The following MAGI2 variants were observed in gnomAD, a reference collection of about 807,000 sequenced individuals.
The protein encoded by MAGI2 is membrane-associated guanylate kinase, WW and PDZ domain-containing protein 2.
MAGI2 carries 35 observed loss-of-function variants against 133.3 expected under a neutral mutation model. That is an observed-to-expected ratio of 0.26 (90% CI 0.20 to 0.35). The LOEUF (loss-of-function observed/expected upper bound fraction) is 0.35, where lower values mean the gene tolerates loss of function less well. Ranked by LOEUF, MAGI2 falls within the 10% of genes least tolerant of loss-of-function variation. The pLI, the probability that MAGI2 is intolerant of heterozygous loss-of-function variation, is 1.00. For missense variants in MAGI2, 1,636 were observed against 1,863.4 expected (o/e 0.88, Z 2.25); for synonymous variants, 729 against 710.6 (o/e 1.03, Z -0.41).
At chr7:78,276,560 G>T (rs547843500) in intron 9 of MAGI2, among the ~76,000 whole-genome samples, 1 of 151,778 alleles carries the variant, frequency 6.6e-6, no homozygotes, top group South Asian at 2.1e-4. Flanking sequence ...TTTTCTTATA[G>T]ACTCTTTACT....
intron 2 of MAGI2, among the ~76,000 whole-genome samples, chr7:78,774,234 A>C (rs755096740): frequency 7.9e-5 from 12 of 152,186 alleles, no homozygotes; most frequent in Non-Finnish European, 1.6e-4. Flanking sequence ...AATGCATCCG[A>C]GGTTGGTAAT....
chr7:78,681,394 C>T (rs1311161082), intron 2 of MAGI2, among the ~76,000 whole-genome samples: 2 of 152,162 alleles, frequency 1.3e-5, no homozygotes, highest in Admixed American at 6.6e-5. Flanking sequence ...ATAACAACAA[C>T]TGTCACTTAC....
At chr7:78,153,150 T>C (rs1166457229) in intron 16 of MAGI2, among the ~76,000 whole-genome samples, 1 of 152,218 alleles carries the variant, frequency 6.6e-6, no homozygotes, top group Non-Finnish European at 1.5e-5. Flanking sequence ...GTTGCATCTA[T>C]TACCTGTGTT....
At chr7:78,595,012 CTT>C (rs557704886) in intron 3 of MAGI2, among the ~76,000 whole-genome samples, 23 of 152,236 alleles carry the variant, frequency 1.5e-4, no homozygotes, top group African/African-American at 3.9e-4. Context: ...GTCTGGAAGA[CTT>C]TGTAATTTTG....
chr7:79,308,431 C>A (rs1002532809), intron 1 of MAGI2, among the ~76,000 whole-genome samples: 1 of 152,122 alleles, frequency 6.6e-6, no homozygotes, highest in African/African-American at 2.4e-5. Context: ...GAAGCATGAG[C>A]GAGTTCAATA....
chr7:78,360,944 C>G (rs1773616848), intron 7 of MAGI2, among the ~76,000 whole-genome samples: 1 of 152,148 alleles, frequency 6.6e-6, no homozygotes, highest in African/African-American at 2.4e-5. Context: ...GCCCTCTCTT[C>G]CTGGGACGTC....
intron 1 of MAGI2, among the ~76,000 whole-genome samples, chr7:79,334,721 C>T (rs1050499882): frequency 6.6e-6 from 1 of 152,056 alleles, no homozygotes; most frequent in African/African-American, 2.4e-5. Context: ...AATTTAAATA[C>T]AGGAAATATA....
At chr7:79,016,876 C>G (rs1181430802) in intron 1 of MAGI2, among the ~76,000 whole-genome samples, 1 of 152,242 alleles carries the variant, frequency 6.6e-6, no homozygotes, top group East Asian at 1.9e-4. Context: ...CTGCCATCTA[C>G]GTTAATGCAT....
At chr7:79,363,069 C>T (rs1459129773) in intron 1 of MAGI2, among the ~76,000 whole-genome samples, 1 of 151,596 alleles carries the variant, frequency 6.6e-6, no homozygotes, top group Non-Finnish European at 1.5e-5. Flanking sequence ...TACATAAAAA[C>T]TCCAAGAACT....
At chr7:79,127,546 G>A (rs1820535223) in intron 1 of MAGI2, among the ~76,000 whole-genome samples, 1 of 152,080 alleles carries the variant, frequency 6.6e-6, no homozygotes, top group South Asian at 2.1e-4. Flanking sequence ...TTCTCTGATG[G>A]CCAGTGATGA....
intron 3 of MAGI2, among the ~76,000 whole-genome samples, chr7:78,607,884 G>C (rs554520740): frequency 1.3e-5 from 2 of 152,224 alleles, no homozygotes; most frequent in South Asian, 4.1e-4. Flanking sequence ...TTCTGGCTCA[G>C]CTTGGCTCTC....
intron 6 of MAGI2, among the ~76,000 whole-genome samples, chr7:78,382,593 T>C (rs191860770): frequency 6.6e-6 from 1 of 152,216 alleles, no homozygotes; most frequent in East Asian, 1.9e-4. Context: ...GAAATTTTGT[T>C]ACACGTATAT....
chr7:78,788,319 T>G (rs1317188660), intron 2 of MAGI2, among the ~76,000 whole-genome samples: 3 of 152,206 alleles, frequency 2.0e-5, no homozygotes, highest in African/African-American at 7.2e-5. Context: ...TTTGTAGCCT[T>G]ACCTATTCCA....
chr7:78,043,808 T>G (rs1351267362), intron 21 of MAGI2, among the ~76,000 whole-genome samples: 1 of 152,192 alleles, frequency 6.6e-6, no homozygotes, highest in Non-Finnish European at 1.5e-5. Flanking sequence ...TTATAAACCT[T>G]AAGAGGTGTA....
intron 9 of MAGI2, among the ~76,000 whole-genome samples, chr7:78,325,421 C>T (rs931868050): frequency 6.6e-6 from 1 of 152,150 alleles, no homozygotes; most frequent in Admixed American, 6.5e-5. Context: ...ATTAAAGCAC[C>T]TTAATTAGGT....
intron 1 of MAGI2, among the ~76,000 whole-genome samples, chr7:79,387,127 T>TGTGTGTGTGTGTGG (rs1273866643): frequency 2.5e-4 from 38 of 151,784 alleles, no homozygotes; most frequent in Non-Finnish European, 5.4e-4. Flanking sequence ...TGTGTGTGTG[T>TGTGTGTGTGTGTGG]GTTAACATTA....
At chr7:78,462,852 G>C (rs1475182535) in intron 6 of MAGI2, among the ~76,000 whole-genome samples, 1 of 152,142 alleles carries the variant, frequency 6.6e-6, no homozygotes, top group African/African-American at 2.4e-5. Context: ...TCCTGAAAAC[G>C]TAGTCTTTTG....
intron 16 of MAGI2, among the ~76,000 whole-genome samples, chr7:78,146,005 T>C (rs1419485408): frequency 6.6e-6 from 1 of 152,026 alleles, no homozygotes; most frequent in Non-Finnish European, 1.5e-5. Context: ...GTAGTAAATA[T>C]CATATCATTT....
chr7:78,352,172 A>G (rs1019019065), intron 7 of MAGI2, among the ~76,000 whole-genome samples: 12 of 152,196 alleles, frequency 7.9e-5, no homozygotes, highest in African/African-American at 2.9e-4. Context: ...AAGTCTCTTG[A>G]CTAGACACTA....
Sources: gnomAD v4.1 joint callset for allele counts (sites outside exome capture counted in the v4.1 genomes callset) on GRCh38, gnomAD v4.1.1 for gene constraint, MANE v1.5 for transcripts, NCBI Gene and HGNC (gene_info 2026-07-23, HGNC 2026-07-21) for gene names.